Variants in NDUFB1 observed in about 807,000 individuals in gnomAD.
The protein encoded by NDUFB1 is NADH dehydrogenase [ubiquinone] 1 beta subcomplex subunit 1.
NDUFB1 carries 6 observed loss-of-function variants against 6.7 expected under a neutral mutation model. The ratio of observed to expected loss-of-function variants is 0.89; its 90% CI spans 0.49 to 1.76. The LOEUF (loss-of-function observed/expected upper bound fraction) is 1.76. Ranked by LOEUF, NDUFB1 falls within the 40% of genes most tolerant of loss-of-function variation. NDUFB1 has a pLI of 0.01. For missense variants in NDUFB1, 56 were observed against 71.0 expected (o/e 0.79, Z 0.76); for synonymous variants, 17 against 22.9 (o/e 0.74, Z 0.74).
Position 92,117,267 on chromosome 14 carries a change from G to A in NDUFB1, c.140+231C>T, listed in dbSNP as rs556991600. Among the ~76,000 whole-genome samples, 6 of 152,070 alleles carry A rather than the reference G, an allele frequency of 3.9e-5. No individual in the cohort carries two copies. The South Asian group carries it at 1.2e-3, about 32-fold the overall frequency. The stretch of plus-strand genomic sequence containing the variant: ...AATGCACTTTGAATTAAAAAAAGAC[G>A]ATACTTTCAAAGACCTGAAACAGCC... On this transcript the variant is annotated intron_variant, in intron 2 of 2. Coordinates refer to ENST00000605997, the MANE Select transcript of NDUFB1 (RefSeq NM_004545.4).
rs371602981 is a variant in NDUFB1 at position 92,116,199 on chromosome 14, C to A, written c.171G>T (p.Trp57Cys). The A allele has an allele frequency of 3.1e-6, 5 of 1,612,758 alleles. No individual in the cohort carries two copies. Among genetic ancestry groups the A allele is most frequent in the Non-Finnish European group, 4.2e-6 (5 of 1,179,294 alleles). The part of the protein sequence containing the change: ...RELQPSEEVT[W>C]K ...TCGATAATCTAGCCAGTCTTTACTT[C>A]CAGGTAACTTCTTCACTGGGTTGCA... is the stretch of plus-strand genomic sequence containing the variant. The change falls in exon 3 of 3, where the codon TGG (tryptophan) becomes TGT (cysteine). Residue 57 changes from tryptophan to cysteine, a missense_variant. By Grantham distance (215) the Trp-to-Cys change is radical. Coordinates refer to ENST00000605997, the MANE Select transcript of NDUFB1 (RefSeq NM_004545.4).
At chr14:92,118,468 C>T (rs2068731393) in intron 1 of NDUFB1, 1 of 152,210 alleles carries the variant, frequency 6.6e-6, no homozygotes. Flanking sequence ...CTGCACCTGG[C>T]TCTCATTTAG....
chr14:92,117,913 G>C (rs576389473), intron 1 of NDUFB1: 8 of 378,762 alleles, frequency 2.1e-5, no homozygotes, highest in African/African-American at 1.0e-4. Flanking sequence ...CAGGAGAATT[G>C]CTTGAACCCA....
intron 1 of NDUFB1, chr14:92,118,988 G>GAAA (rs10649809): frequency 6.7e-3 from 2,317 of 346,028 alleles, no homozygotes; most frequent in East Asian, 0.019. Flanking sequence ...AAAAAAGAAA[G>GAAA]AAAAAAAAAG....
chr14:92,117,462 T>A, intron 2 of NDUFB1, 36 bp downstream of exon 2: 1 of 1,610,160 alleles, frequency 6.2e-7, no homozygotes, highest in African/African-American at 1.3e-5. Flanking sequence ...TTCCCCAAAT[T>A]TGGCCAATTG....
At chr14:92,119,993 CCAAGTTTCACAT>C (rs1289699969) in intron 1 of NDUFB1, among the ~76,000 whole-genome samples, 1 of 151,900 alleles carries the variant, frequency 6.6e-6, no homozygotes, top group Non-Finnish European at 1.5e-5. Flanking sequence ...ACTTGTGGCC[CCAAGTTTCACAT>C]ATGGGGGCAT....
chr14:92,118,792 G>C (rs2068733132), intron 1 of NDUFB1: 1 of 176,712 alleles, frequency 5.7e-6, no homozygotes, highest in Admixed American at 6.3e-5. Context: ...TGGCCAACAT[G>C]GTGAAACTCC....
intron 2 of NDUFB1, 56 bp from the exon 3 acceptor site, chr14:92,116,285 C>A: frequency 7.2e-7 from 1 of 1,385,488 alleles, no homozygotes; most frequent in Non-Finnish European, 1.0e-6. Flanking sequence ...AACTGTGATA[C>A]GAGATAAAAG....
chr14:92,116,324 TCA>T (rs2068716637), intron 2 of NDUFB1, 95 bp from the exon 3 acceptor site: 2 of 908,938 alleles, frequency 2.2e-6, no homozygotes, highest in African/African-American at 1.9e-5. Flanking sequence ...TTGCAATATT[TCA>T]TTTTCTTTTT....
At position 92,119,086 on chromosome 14, in the gene NDUFB1, T is replaced by G. The variant is rs564110426; in HGVS notation, c.-5-1444A>C. On this transcript the variant is annotated intron_variant, in intron 1 of 2. Coordinates refer to ENST00000605997, the MANE Select transcript of NDUFB1 (RefSeq NM_004545.4). ...CAGCACTTTGGGAGACTAAGGCGGATGGATCGCTTGAGCCTAGGAGCTTGA... is the reference window on the plus strand; with the variant it reads ...CAGCACTTTGGGAGACTAAGGCGGAGGGATCGCTTGAGCCTAGGAGCTTGA... The G allele has an allele frequency of 3.6e-5, 7 of 193,204 alleles. No individual in the cohort carries two copies. In the South Asian group the frequency reaches 4.3e-4, roughly 12 times the overall value. 12.0% of individuals were successfully genotyped at this position (193,204 alleles called of 1,614,324 possible).
At chr14:92,118,977 A>C (rs1399107092) in intron 1 of NDUFB1, 4 of 365,182 alleles carry the variant, frequency 1.1e-5, no homozygotes, top group African/African-American at 2.8e-5. Flanking sequence ...CTGTCTCAGA[A>C]AAAAAAGAAA....
chr14:92,117,787 T>G, intron 1 of NDUFB1, 145 bp from the exon 2 acceptor site: 2 of 783,240 alleles, frequency 2.6e-6, no homozygotes, highest in South Asian at 3.6e-5. Flanking sequence ...CACTTGAGAT[T>G]AGGAGTTCGA....
chr14:92,117,521 C>G lies in NDUFB1; in HGVS notation c.117G>C (p.Arg39=), dbSNP rs777565664. ...ACCTTTTAAATAACATACTCTTGTT[C>G]CGGAAGGCAGTTAGCCGTTCATCAC... is the stretch of plus-strand genomic sequence containing the variant. ...RKSDERLTAF[R]NKSMLFKREL... Residue 39 remains arginine (R), a synonymous_variant, in exon 2 of 3, where the codon CGG becomes CGC. Coordinates refer to ENST00000605997, the MANE Select transcript of NDUFB1 (RefSeq NM_004545.4). The G allele has an allele frequency of 1.2e-6, 2 of 1,612,956 alleles. No homozygotes were observed. The highest frequency in any genetic ancestry group is 1.1e-5 in the South Asian group (1 of 91,044).
rs911722868 is a variant in NDUFB1, at chr14:92,116,249, G to C, written c.141-20C>G. 6.2e-7 allele frequency: 1 copy of C among 1,605,628 alleles called. No individual in the cohort carries two copies. The highest frequency in any genetic ancestry group is 8.5e-7 in the Non-Finnish European group (1 of 1,174,298). On this transcript the variant is annotated intron_variant, in intron 2 of 2. Transcript: ENST00000605997. ...AATTCCCTGTGTGGAAAGCAAAAAA[G>C]GAAGAAATGGAAAAACTGTAAATAA...
intron 1 of NDUFB1, 22 bp downstream of exon 1, chr14:92,121,620 C>A: frequency 6.2e-7 from 1 of 1,612,260 alleles, no homozygotes; most frequent in Non-Finnish European, 8.5e-7. Flanking sequence ...TCGCGGCGGC[C>A]CCCCGGGCTC....
At chr14:92,118,958 AGC>A (rs1241800069) in intron 1 of NDUFB1, 23 of 380,792 alleles carry the variant, frequency 6.0e-5, no homozygotes, top group East Asian at 5.5e-4. Flanking sequence ...TGGGGGATAC[AGC>A]GAGTCTCTGT....
chr14:92,120,957 C>A (rs61976561), intron 1 of NDUFB1, among the ~76,000 whole-genome samples: 1 of 151,150 alleles, frequency 6.6e-6, no homozygotes, highest in Non-Finnish European at 1.5e-5. Context: ...ATCAGGAGTT[C>A]GAGACCAGCC....
chr14:92,121,267 A>C, intron 1 of NDUFB1: 1 of 341,716 alleles, frequency 2.9e-6, no homozygotes, highest in Non-Finnish European at 5.5e-6. Context: ...GCGAGAAGAC[A>C]GAAGGCTGGA....
At chr14:92,117,345 A>G (rs755295520) in intron 2 of NDUFB1, among the ~76,000 whole-genome samples, 153 bp downstream of exon 2, 5 of 152,218 alleles carry the variant, frequency 3.3e-5, no homozygotes, top group Non-Finnish European at 7.4e-5. Context: ...TGTTTTATCC[A>G]AGGATTCAAT....
Sources: allele counts gnomAD v4.1 joint callset (sites outside exome capture counted in the v4.1 genomes callset), GRCh38; gene constraint gnomAD v4.1.1; transcripts MANE v1.5; gene names NCBI Gene and HGNC (gene_info 2026-07-23, HGNC 2026-07-21).